COL22A1: variants seen among roughly 807,000 people sequenced by gnomAD.
The protein encoded by COL22A1 is collagen type XXII alpha 1 chain.
A neutral mutation model predicts 248.9 loss-of-function variants in COL22A1; 221 were observed. The ratio of observed to expected loss-of-function variants is 0.89; its 90% CI spans 0.80 to 0.99. The LOEUF (loss-of-function observed/expected upper bound fraction) is 0.99. COL22A1 is among the 50% of genes least tolerant of loss of function. The pLI is 0.00. For synonymous variants in COL22A1, 891 were observed against 793.4 expected (o/e 1.12, Z -2.07); for missense variants, 2,240 against 2,179.0 (o/e 1.03, Z -0.56).
chr8:138,779,827 T>C (rs950385389), intron 13 of COL22A1, among the ~76,000 whole-genome samples: 4 of 152,196 alleles, frequency 2.6e-5, no homozygotes, highest in Non-Finnish European at 5.9e-5. Context: ...AATGGCACGA[T>C]CATAGCTCAC....
intron 40 of COL22A1, among the ~76,000 whole-genome samples, chr8:138,679,066 A>G (rs182327196): frequency 2.6e-5 from 4 of 152,172 alleles, no homozygotes; most frequent in South Asian, 2.1e-4. Flanking sequence ...ACAGATGTGA[A>G]CCACCACACC....
chr8:138,611,803 A>C (rs1818884687), intron 56 of COL22A1, among the ~76,000 whole-genome samples: 1 of 152,186 alleles, frequency 6.6e-6, no homozygotes, highest in South Asian at 2.1e-4. Context: ...AGGGACATCC[A>C]ACCTCATAGG....
At chr8:138,788,225 T>G (rs565689691) in intron 12 of COL22A1, among the ~76,000 whole-genome samples, 2 of 152,306 alleles carry the variant, frequency 1.3e-5, no homozygotes, top group South Asian at 4.1e-4. Context: ...TCCAGCCTGT[T>G]GGCTTAACAA....
intron 37 of COL22A1, among the ~76,000 whole-genome samples, chr8:138,688,523 G>GAA (rs572166800): frequency 7.0e-6 from 1 of 143,604 alleles, no homozygotes; most frequent in Non-Finnish European, 1.5e-5. Flanking sequence ...CCTGTCTCAA[G>GAA]AAAAAAAAAA....
At chr8:138,805,383 G>GCGT (rs1817442047) in intron 10 of COL22A1, among the ~76,000 whole-genome samples, 1 of 148,518 alleles carries the variant, frequency 6.7e-6, no homozygotes. Flanking sequence ...GTGATGGTGT[G>GCGT]GGCATGTGAT....
At chr8:138,764,238 G>A (rs73361011) in intron 16 of COL22A1, among the ~76,000 whole-genome samples, 3,919 of 152,288 alleles carry the variant, frequency 0.026, 165 homozygotes, top group African/African-American at 0.087. Flanking sequence ...GGGATGGCAG[G>A]GCAGGGGGAA....
At chr8:138,643,253 G>A (rs1821882287) in intron 47 of COL22A1, among the ~76,000 whole-genome samples, 1 of 152,054 alleles carries the variant, frequency 6.6e-6, no homozygotes, top group Non-Finnish European at 1.5e-5. Flanking sequence ...CACTGCCCCG[G>A]GCAAATCTCT....
Position 138,820,014 on chromosome 8 carries a change from A to G in COL22A1, c.1245+1122T>C, listed in dbSNP as rs181637062. ...AGGCTTCCTAATTATGTAGTGATAC[A>G]TTAGAAACTATCTAAATACCACTAA... On this transcript the variant is annotated intron_variant, in intron 7 of 64. Transcript: ENST00000303045. Among the ~76,000 whole-genome samples, 29 of 152,258 alleles carry G rather than the reference A, an allele frequency of 1.9e-4. 1 individual carries two copies. In the East Asian group the frequency reaches 5.4e-3, roughly 28 times the overall value.
At chr8:138,837,622 C>T (rs182698177) in intron 4 of COL22A1, among the ~76,000 whole-genome samples, 1 of 152,298 alleles carries the variant, frequency 6.6e-6, no homozygotes, top group African/African-American at 2.4e-5. Flanking sequence ...TGACAACCCA[C>T]CGGGCTGCCC....
intron 3 of COL22A1, among the ~76,000 whole-genome samples, chr8:138,862,496 G>C (rs1299298540): frequency 1.3e-5 from 2 of 151,652 alleles, no homozygotes; most frequent in Non-Finnish European, 2.9e-5. Flanking sequence ...TCCTCAGAAG[G>C]GTCCCTTAAT....
chr8:138,628,433 A>T lies in COL22A1; in HGVS notation c.3664-2190T>A, dbSNP rs531409903. Among the ~76,000 whole-genome samples the T allele has an allele frequency of 7.2e-5, 11 of 152,330 alleles. No homozygotes were observed. The South Asian group carries it at 2.3e-3, about 32-fold the overall frequency. ...GAAACCCCATCTCTACTAAAAATAC[A>T]AAAATTAGTCAGAAATCACTTGAAC... On this transcript the variant is annotated intron_variant, in intron 50 of 64. Coordinates refer to ENST00000303045, the MANE Select transcript of COL22A1 (RefSeq NM_152888.3).
intron 16 of COL22A1, among the ~76,000 whole-genome samples, chr8:138,768,612 T>G (rs1266374000): frequency 1.3e-5 from 2 of 152,216 alleles, no homozygotes; most frequent in East Asian, 3.8e-4. Flanking sequence ...GGTGAAATTC[T>G]GGGTACTTAA....
At chr8:138,711,601 T>C (rs1828970060) in intron 30 of COL22A1, among the ~76,000 whole-genome samples, 2 of 152,178 alleles carry the variant, frequency 1.3e-5, no homozygotes, top group South Asian at 4.1e-4. Context: ...AGGCAGAGCC[T>C]TTTCCACTCT....
intron 3 of COL22A1, among the ~76,000 whole-genome samples, chr8:138,869,248 G>A (rs949411752): frequency 6.6e-6 from 1 of 152,188 alleles, no homozygotes; most frequent in Admixed American, 6.5e-5. Flanking sequence ...AGGTGCATAT[G>A]GAGCTCAGTA....
intron 3 of COL22A1, among the ~76,000 whole-genome samples, chr8:138,871,743 G>T (rs1489865203): frequency 6.6e-6 from 1 of 152,220 alleles, no homozygotes; most frequent in Admixed American, 6.5e-5. Context: ...ATCCGCTGTT[G>T]TGAGATATTA....
intron 8 of COL22A1, 90 bp downstream of exon 8, chr8:138,812,849 A>C: frequency 9.8e-7 from 1 of 1,016,636 alleles, no homozygotes; most frequent in Non-Finnish European, 1.6e-6. Flanking sequence ...CCTGACCACC[A>C]ACCACCCAAC....
rs113618196 is a variant in COL22A1, at chr8:138,721,925, G to T, written c.2301+111C>A. The T allele has an allele frequency of 9.3e-4, 806 of 863,124 alleles. 3 individuals carry two copies. The African/African-American group carries it at 0.011, about 12-fold the overall frequency. The allele number at this position is 863,124 out of a possible 1,614,324, so 53.5% of individuals were successfully genotyped here. A position where few individuals can be genotyped will look rare whatever the true frequency, so the allele number is the denominator to read the frequency against. Reference sequence around the variant, plus strand: ...AATCCAAACATTTCAACTGAATCCTGATCGAAGACCCAGGCAATTGACTTG... The same window carrying T: ...AATCCAAACATTTCAACTGAATCCTTATCGAAGACCCAGGCAATTGACTTG... On this transcript the variant is annotated intron_variant, in intron 26 of 64. Transcript: ENST00000303045.
rs1586575900 is a variant in COL22A1, at chr8:138,724,238, G to A, written c.2247+377C>T. Among the ~76,000 whole-genome samples, 3 of 152,214 alleles carry A rather than the reference G, an allele frequency of 2.0e-5. No individual in the cohort carries two copies. The South Asian group carries it at 6.2e-4, about 32-fold the overall frequency. The stretch of plus-strand genomic sequence containing the variant: ...CATGATCAGGATCGTAATGGGAAGG[G>A]CTGCCACACAGCTCCCCGCCTGTTG... On this transcript the variant is annotated intron_variant, in intron 25 of 64. Coordinates refer to ENST00000303045, the MANE Select transcript of COL22A1 (RefSeq NM_152888.3).
intron 3 of COL22A1, 67 bp downstream of exon 3, chr8:138,877,683 C>G: frequency 6.9e-7 from 1 of 1,456,132 alleles, no homozygotes; most frequent in South Asian, 1.4e-5. Context: ...GCCCGAGGAC[C>G]CCTCCCGTGG....
Sources: gnomAD v4.1 joint callset for allele counts (sites outside exome capture counted in the v4.1 genomes callset) on GRCh38, gnomAD v4.1.1 for gene constraint, MANE v1.5 for transcripts, NCBI Gene and HGNC (gene_info 2026-07-23, HGNC 2026-07-21) for gene names.